The following CSMD1 variants were observed in gnomAD, a reference collection of about 807,000 sequenced individuals.
CSMD1 encodes CUB and sushi domain-containing protein 1.
In CSMD1, 213 loss-of-function variants were observed where a neutral mutation model predicts 417.5. That is an observed-to-expected ratio of 0.51 (90% CI 0.46 to 0.57). The LOEUF (loss-of-function observed/expected upper bound fraction) is 0.57, where lower values mean the gene tolerates loss of function less well. Ranked by LOEUF, CSMD1 falls within the 20% of genes least tolerant of loss-of-function variation. CSMD1 has a pLI of 0.00. For missense variants in CSMD1, 6,923 were observed against 4,529.7 expected (o/e 1.53, Z -15.17); for synonymous variants, 2,862 against 1,736.8 (o/e 1.65, Z -16.11).
intron 30 of CSMD1, among the ~76,000 whole-genome samples, chr8:3,213,318 T>A (rs1466729644): frequency 2.0e-5 from 3 of 152,190 alleles, no homozygotes; most frequent in South Asian, 4.1e-4. Flanking sequence ...TCTTCTTTTT[T>A]AAATATATAC....
At chr8:4,960,266 C>G (rs1270777327) in intron 1 of CSMD1, among the ~76,000 whole-genome samples, 1 of 152,114 alleles carries the variant, frequency 6.6e-6, no homozygotes, top group Non-Finnish European at 1.5e-5. Context: ...AAAAGATAAA[C>G]TATACATAAC....
intron 3 of CSMD1, among the ~76,000 whole-genome samples, chr8:4,156,312 G>C (rs949175473): frequency 1.3e-5 from 2 of 152,070 alleles, no homozygotes; most frequent in Non-Finnish European, 2.9e-5. Flanking sequence ...TTTCAATGAA[G>C]GCTCTGAACG....
chr8:4,453,699 G>C (rs931267892), intron 2 of CSMD1, among the ~76,000 whole-genome samples: 10 of 151,884 alleles, frequency 6.6e-5, no homozygotes, highest in African/African-American at 1.7e-4. Context: ...GCCTGCTTGG[G>C]TATGCACAGG....
intron 1 of CSMD1, among the ~76,000 whole-genome samples, chr8:4,891,571 T>C (rs890553923): frequency 6.6e-6 from 1 of 152,136 alleles, no homozygotes; most frequent in Non-Finnish European, 1.5e-5. Context: ...CATCTTGCAA[T>C]TTATTTTTCA....
chr8:4,658,933 G>C (rs1197346057), intron 1 of CSMD1, among the ~76,000 whole-genome samples: 1 of 152,096 alleles, frequency 6.6e-6, no homozygotes, highest in Admixed American at 6.5e-5. Flanking sequence ...AATAGAACTA[G>C]ATTGTTATGA....
At chr8:4,461,229 T>A (rs182739824) in intron 2 of CSMD1, among the ~76,000 whole-genome samples, 1 of 152,122 alleles carries the variant, frequency 6.6e-6, no homozygotes, top group Non-Finnish European at 1.5e-5. Flanking sequence ...ATGGGGAATT[T>A]CTTCAACCTG....
At chr8:3,118,996 C>A (rs965678427) in intron 41 of CSMD1, among the ~76,000 whole-genome samples, 1 of 152,194 alleles carries the variant, frequency 6.6e-6, no homozygotes, top group South Asian at 2.1e-4. Context: ...CTGGCTAACA[C>A]AGTAAAATCC....
chr8:3,791,323 G>C (rs1320687936), intron 5 of CSMD1, among the ~76,000 whole-genome samples: 1 of 152,156 alleles, frequency 6.6e-6, no homozygotes, highest in Non-Finnish European at 1.5e-5. Context: ...TTTAAGTATA[G>C]TAGAATTTCA....
chr8:3,936,760 A>C (rs4554488), intron 5 of CSMD1, among the ~76,000 whole-genome samples: 53,663 of 152,102 alleles, frequency 0.35, 9,860 homozygotes, highest in African/African-American at 0.47. Flanking sequence ...CTGCAGCCCA[A>C]GAAACACGAA....
intron 1 of CSMD1, among the ~76,000 whole-genome samples, chr8:4,653,386 TG>T (rs1209080598): frequency 1.3e-5 from 2 of 152,228 alleles, no homozygotes; most frequent in South Asian, 4.1e-4. Flanking sequence ...AACATTTTTT[TG>T]TTATTACTAA....
chr8:3,550,719 T>C (rs1798873718), intron 10 of CSMD1, among the ~76,000 whole-genome samples: 1 of 152,138 alleles, frequency 6.6e-6, no homozygotes, highest in Non-Finnish European at 1.5e-5. Flanking sequence ...ATTTTCCACT[T>C]TGCACCTCCT....
chr8:3,998,245 G>C (rs992734196), intron 4 of CSMD1, 135 bp from the exon 5 acceptor site: 4 of 682,866 alleles, frequency 5.9e-6, no homozygotes, highest in East Asian at 2.7e-5. Flanking sequence ...ATCTGAAAAA[G>C]AATCTTTTGG....
chr8:3,281,950 C>G (rs1802773056), intron 26 of CSMD1, among the ~76,000 whole-genome samples: 1 of 152,084 alleles, frequency 6.6e-6, no homozygotes, highest in Admixed American at 6.5e-5. Flanking sequence ...GCACGTAGCA[C>G]CTTCCGCTTC....
At chr8:4,491,376 T>A (rs1801690925) in intron 2 of CSMD1, among the ~76,000 whole-genome samples, 1 of 152,138 alleles carries the variant, frequency 6.6e-6, no homozygotes, top group East Asian at 1.9e-4. Context: ...ACATCCATTA[T>A]AGCGATCAGC....
At position 3,687,816 on chromosome 8, in the gene CSMD1, G is replaced by C. The variant is rs2624079; in HGVS notation, c.1009+20598C>G. Among the ~76,000 whole-genome samples the C allele has an allele frequency of 6.0e-4, 92 of 152,302 alleles. 1 individual carries two copies. Among genetic ancestry groups the C allele is most frequent in the African/African-American group, 2.1e-3 (86 of 41,572 alleles). ...TTTGCTCCACTTAAGTCTCTCTCGA[G>C]AAAGGTAGCACTGCTCTCTCAGTCC... On this transcript the variant is annotated intron_variant, in intron 7 of 69. Coordinates refer to ENST00000635120, the MANE Select transcript of CSMD1 (RefSeq NM_033225.6).
chr8:4,250,288 G>C (rs1445568731), intron 3 of CSMD1, among the ~76,000 whole-genome samples: 2 of 152,174 alleles, frequency 1.3e-5, no homozygotes, highest in East Asian at 1.9e-4. Flanking sequence ...AAATAGCCCA[G>C]CTCAGCTTAG....
intron 1 of CSMD1, among the ~76,000 whole-genome samples, chr8:4,878,871 C>A (rs553095644): frequency 6.7e-6 from 1 of 150,050 alleles, no homozygotes; most frequent in African/African-American, 2.5e-5. Flanking sequence ...AAGGCAGAAC[C>A]CAGACACACA....
chr8:4,801,731 T>A (rs115299864), intron 1 of CSMD1, among the ~76,000 whole-genome samples: 1 of 150,816 alleles, frequency 6.6e-6, no homozygotes, highest in Non-Finnish European at 1.5e-5. Flanking sequence ...CCCACATTAA[T>A]AATAGGAAAA....
chr8:3,730,231 G>A (rs943774064), intron 6 of CSMD1, among the ~76,000 whole-genome samples: 8 of 152,010 alleles, frequency 5.3e-5, no homozygotes, highest in Non-Finnish European at 1.2e-4. Context: ...TTCCCCATAT[G>A]GTTAAATTCG....
Sources: allele counts gnomAD v4.1 joint callset (sites outside exome capture counted in the v4.1 genomes callset), GRCh38; gene constraint gnomAD v4.1.1; transcripts MANE v1.5; gene names NCBI Gene and HGNC (gene_info 2026-07-23, HGNC 2026-07-21).